Variants in DDX1 observed in about 807,000 individuals in gnomAD.
The protein encoded by DDX1 is ATP-dependent RNA helicase DDX1.
Under a neutral mutation model 108.7 loss-of-function variants are expected in DDX1, and 28 were observed. The ratio of observed to expected loss-of-function variants is 0.26; its 90% confidence interval spans 0.19 to 0.35. The LOEUF (loss-of-function observed/expected upper bound fraction) is 0.35, where lower values mean the gene tolerates loss of function less well. Ranked by LOEUF, DDX1 falls within the 10% of genes least tolerant of loss-of-function variation. The pLI, the probability that DDX1 is intolerant of heterozygous loss-of-function variation, is 1.00. For missense variants in DDX1, 710 were observed against 884.5 expected (o/e 0.80, Z 2.50); for synonymous variants, 295 against 288.9 (o/e 1.02, Z -0.21).
At chr2:15,602,479 G>A (rs1665602511) in intron 6 of DDX1, 69 bp from the exon 7 acceptor site, 1 of 1,080,872 alleles carries the variant, frequency 9.3e-7, no homozygotes, top group Admixed American at 1.8e-5. Flanking sequence ...TTTGGTGGTA[G>A]GGGGTGGGAA....
chr2:15,628,768 C>A, intron 22 of DDX1, 29 bp from the exon 23 acceptor site: 1 of 1,613,328 alleles, frequency 6.2e-7, no homozygotes, highest in Non-Finnish European at 8.5e-7. Context: ...GGAATAAAGT[C>A]TAATAGAAGG....
intron 12 of DDX1, 47 bp from the exon 13 acceptor site, chr2:15,607,128 T>G (rs1665674996): frequency 1.9e-6 from 3 of 1,560,246 alleles, no homozygotes; most frequent in Non-Finnish European, 2.6e-6. Flanking sequence ...AGTAACAGTA[T>G]TATAAAGTGT....
Position 15,606,006 on chromosome 2 carries a change from T to C in DDX1, c.682T>C (p.Phe228Leu). The C allele has an allele frequency of 6.3e-7, 1 of 1,590,062 alleles. No homozygotes were observed. The highest frequency in any genetic ancestry group is 8.5e-7 in the Non-Finnish European group (1 of 1,171,812). ...IPPHMKNQAL[F>L]PACVLKNAEL... ...ACCACATATGAAAAACCAAGCCCTC[T>C]TTCCTGCCTGTGTTTTGAAGGTAAT... The change falls in exon 11 of 26, where the codon TTT becomes CTT. Residue 228 changes from phenylalanine (F) to leucine (L), a missense_variant. Physicochemically the swap from Phe to Leu is conservative, Grantham distance 22 (BLOSUM62 0). Around this residue, in one of 3 missense-constraint regions of DDX1, gnomAD observed 661 missense variants for 810.2 expected, o/e 0.82. Transcript: ENST00000233084.
At chr2:15,596,902 A>G in intron 4 of DDX1, 139 bp downstream of exon 4, 1 of 690,370 alleles carries the variant, frequency 1.4e-6, no homozygotes, top group South Asian at 2.1e-5. Flanking sequence ...ACTGAAAATG[A>G]TATTTTTGTT....
intron 14 of DDX1, among the ~76,000 whole-genome samples, chr2:15,613,833 ATTT>A (rs61546961): frequency 2.2e-5 from 3 of 133,370 alleles, no homozygotes; most frequent in Admixed American, 7.7e-5. Context: ...AAGTTTAGGA[ATTT>A]TTTTTTTTTT....
intron 19 of DDX1, among the ~76,000 whole-genome samples, chr2:15,625,596 TA>T (rs1666088109): frequency 6.6e-6 from 1 of 152,192 alleles, no homozygotes; most frequent in East Asian, 1.9e-4. Context: ...GCAAGTATAA[TA>T]AAATGTTAAT....
At position 15,613,833 on chromosome 2, in the gene DDX1, ATT is replaced by A. The variant is rs61546961; in HGVS notation, c.1017+568_1017+569del. On this transcript the variant is annotated intron_variant, in intron 14 of 25. Transcript: ENST00000233084. ...CCACTGTTGGAGAAGAAGTTTAGGA[ATT>A]TTTTTTTTTTTTTTTTTTGAGAAGG... Among the ~76,000 whole-genome samples the A allele has an allele frequency of 5.5e-3, 732 of 133,364 alleles. 2 individuals carry two copies. The highest frequency in any genetic ancestry group is 0.019 in the African/African-American group (649 of 35,044). The allele number at this position is 133,364 out of a possible 152,430, so 87.5% of individuals were successfully genotyped here.
intron 14 of DDX1, among the ~76,000 whole-genome samples, chr2:15,616,842 C>T (rs149768378): frequency 3.3e-5 from 5 of 152,014 alleles, no homozygotes; most frequent in African/African-American, 7.3e-5. Context: ...AGAAGGTATT[C>T]CCCCAATTCA....
At chr2:15,592,497 G>T (rs1462052412) in intron 1 of DDX1, among the ~76,000 whole-genome samples, 1 of 152,154 alleles carries the variant, frequency 6.6e-6, no homozygotes, top group African/African-American at 2.4e-5. Context: ...CAACATTAAT[G>T]TTCAGTGTTG....
chr2:15,626,695 C>T (rs1464281220), intron 19 of DDX1, among the ~76,000 whole-genome samples: 1 of 152,102 alleles, frequency 6.6e-6, no homozygotes, highest in South Asian at 2.1e-4. Context: ...AATTTTGGTT[C>T]CTCCAAGAAT....
intron 13 of DDX1, among the ~76,000 whole-genome samples, chr2:15,611,462 C>T (rs1239510454): frequency 1.2e-4 from 17 of 144,268 alleles, no homozygotes; most frequent in Admixed American, 5.4e-4. Context: ...TAGGGACGGC[C>T]GGGCAGAGGC....
intron 1 of DDX1, 148 bp from the exon 2 acceptor site, chr2:15,594,997 G>A: frequency 1.8e-6 from 1 of 545,228 alleles, no homozygotes; most frequent in Non-Finnish European, 3.2e-6. Flanking sequence ...CAGAACTTGT[G>A]CTCTTTCAAC....
At chr2:15,611,495 CG>C (rs1157482585) in intron 13 of DDX1, among the ~76,000 whole-genome samples, 1 of 143,754 alleles carries the variant, frequency 7.0e-6, no homozygotes, top group East Asian at 2.6e-4. Context: ...CCGGACGGGG[CG>C]GCTGGCCGGG....
At chr2:15,623,734 T>C (rs1217975272) in intron 19 of DDX1, 152 bp downstream of exon 19, 1 of 623,812 alleles carries the variant, frequency 1.6e-6, no homozygotes, top group Non-Finnish European at 2.7e-6. Flanking sequence ...CTTTTCCATA[T>C]GATAAGCCCT....
At chr2:15,602,433 A>C (rs1332475907) in intron 6 of DDX1, 115 bp from the exon 7 acceptor site, 3 of 695,552 alleles carry the variant, frequency 4.3e-6, no homozygotes, top group Non-Finnish European at 7.7e-6. Context: ...GCAACAAATG[A>C]AGGAATTATC....
At position 15,606,212 on chromosome 2, in the gene DDX1, T is replaced by C. The variant is rs763695054; in HGVS notation, c.765T>C (p.Phe255=). The C allele has an allele frequency of 6.2e-7, 1 of 1,614,160 alleles. No homozygotes were observed. The highest frequency in any genetic ancestry group is 1.1e-5 in the South Asian group (1 of 91,076). ...EEFKFPPKDG[F]VALSKAPDGY... is the part of the protein sequence containing the mutation. ...TTAAGTTTCCACCAAAAGATGGCTT[T>C]GTTGCTCTTTCCAAGGCACCGGATG... The change falls in exon 12 of 26, where the codon TTT becomes TTC. Residue 255 remains phenylalanine, a synonymous_variant. Transcript: ENST00000233084.
chr2:15,611,717 G>C (rs1324083448), intron 13 of DDX1, among the ~76,000 whole-genome samples: 1 of 112,616 alleles, frequency 8.9e-6, no homozygotes, highest in African/African-American at 4.3e-5. Context: ...CTCCCGGACG[G>C]GGCGACTGGC....
At chr2:15,600,238 A>G (rs1003234850) in intron 6 of DDX1, among the ~76,000 whole-genome samples, 6 of 152,166 alleles carry the variant, frequency 3.9e-5, no homozygotes, top group South Asian at 2.1e-4. Flanking sequence ...CTTTTATCCA[A>G]TTCACCAGGC....
At chr2:15,592,168 C>G (rs10165316) in intron 1 of DDX1, among the ~76,000 whole-genome samples, 3,355 of 152,338 alleles carry the variant, frequency 0.022, 134 homozygotes, top group African/African-American at 0.077. Context: ...CGGAACGTCC[C>G]TCCCCCTGCC....
Sources: gnomAD v4.1 joint callset for allele counts (sites outside exome capture counted in the v4.1 genomes callset) on GRCh38, gnomAD v4.1.1 for gene constraint, gnomAD v4.1.1 regional missense constraint, MANE v1.5 for transcripts, NCBI Gene and HGNC (gene_info 2026-07-23, HGNC 2026-07-21) for gene names.